SULT2A1: variants seen among roughly 807,000 people sequenced by gnomAD.
SULT2A1 encodes the protein sulfotransferase 2A1.
A neutral mutation model predicts 33.9 loss-of-function variants in SULT2A1; 43 were observed. The observed-to-expected ratio is 1.27, with a 90% CI of 1.00 to 1.64. SULT2A1 has a LOEUF of 1.64. SULT2A1 is among the 40% of genes most tolerant of loss of function. The pLI, the probability that SULT2A1 is intolerant of heterozygous loss-of-function variation, is 0.00. For synonymous variants in SULT2A1, 125 were observed against 113.6 expected (o/e 1.10, Z -0.64); for missense variants, 300 against 335.1 (o/e 0.90, Z 0.82).
intron 4 of SULT2A1, among the ~76,000 whole-genome samples, chr19:47,875,483 C>G (rs946912663): frequency 6.6e-6 from 1 of 151,364 alleles, no homozygotes; most frequent in Non-Finnish European, 1.5e-5. Flanking sequence ...ACAAAAAATA[C>G]AAAAATTAGC....
intron 5 of SULT2A1, among the ~76,000 whole-genome samples, chr19:47,872,032 C>T (rs973472076): frequency 3.3e-5 from 5 of 152,060 alleles, no homozygotes; most frequent in Non-Finnish European, 1.5e-5. Context: ...GTTCTCGTGC[C>T]TCAGCCTCCC....
intron 2 of SULT2A1, among the ~76,000 whole-genome samples, chr19:47,883,043 C>T (rs1213086873): frequency 6.6e-6 from 1 of 152,098 alleles, no homozygotes; most frequent in East Asian, 1.9e-4. Flanking sequence ...CCCCTCTGCC[C>T]CATGGGAGAT....
intron 5 of SULT2A1, 56 bp downstream of exon 5, chr19:47,874,601 T>A: frequency 4.1e-6 from 5 of 1,230,102 alleles, no homozygotes; most frequent in Non-Finnish European, 5.8e-6. Flanking sequence ...GTTGTGACCA[T>A]AGGCATGCAT....
At chr19:47,872,082 TA>T (rs1968498083) in intron 5 of SULT2A1, among the ~76,000 whole-genome samples, 1 of 152,066 alleles carries the variant, frequency 6.6e-6, no homozygotes. Flanking sequence ...CACGCCTGGC[TA>T]ATTTTTGTAT....
chr19:47,886,013 C>T (rs1968652315), intron 1 of SULT2A1, 109 bp downstream of exon 1: 17 of 1,346,484 alleles, frequency 1.3e-5, no homozygotes, highest in Admixed American at 2.1e-5. Flanking sequence ...TCCTCTCTTC[C>T]CCTTAAAGCA....
intron 2 of SULT2A1, 61 bp downstream of exon 2, chr19:47,883,514 CTT>C (rs996855917): frequency 6.6e-7 from 1 of 1,504,092 alleles, no homozygotes; most frequent in Non-Finnish European, 9.2e-7. Context: ...CTCCAGATGA[CTT>C]ATAGGCATAT....
intron 2 of SULT2A1, among the ~76,000 whole-genome samples, chr19:47,883,053 T>G (rs1284663918): frequency 1.3e-5 from 2 of 152,048 alleles, no homozygotes; most frequent in African/African-American, 4.8e-5. Context: ...CCATGGGAGA[T>G]GCATGTGGCT....
At chr19:47,886,028 A>C in intron 1 of SULT2A1, 94 bp downstream of exon 1, 1 of 1,462,010 alleles carries the variant, frequency 6.8e-7, no homozygotes. Flanking sequence ...AAAGCATTGT[A>C]CACTGTCTGA....
chr19:47,874,925 G>A lies in SULT2A1; in HGVS notation c.568-91C>T. The stretch of plus-strand genomic sequence containing the variant: ...GCCTGTAATCCCAGCACTCTGGGAG[G>A]CTGAGGCGGTTGGATCACTTGAGAT... On this transcript the variant is annotated intron_variant, in intron 4 of 5. Coordinates refer to ENST00000222002, the MANE Select transcript of SULT2A1 (RefSeq NM_003167.4). 4 of 1,156,180 alleles carry A rather than the reference G, an allele frequency of 3.5e-6. No homozygotes were observed. The South Asian group carries it at 5.8e-5, about 17-fold the overall frequency. The allele number at this position is 1,156,180 out of a possible 1,614,324, so 71.6% of individuals were successfully genotyped here.
chr19:47,874,541 GAAAAA>G (rs386389152), intron 5 of SULT2A1, 111 bp downstream of exon 5: 251 of 344,900 alleles, frequency 7.3e-4, no homozygotes, highest in East Asian at 1.2e-3. Flanking sequence ...CTTCATCTCG[GAAAAA>G]AAAAAAAAAA....
At chr19:47,871,979 G>A (rs539912057) in intron 5 of SULT2A1, among the ~76,000 whole-genome samples, 57 of 151,404 alleles carry the variant, frequency 3.8e-4, no homozygotes, top group East Asian at 3.3e-3. Flanking sequence ...GTGCAGTAGC[G>A]CGATCTTGGC....
intron 2 of SULT2A1, 90 bp from the exon 3 acceptor site, chr19:47,882,300 T>A: frequency 6.8e-7 from 1 of 1,463,356 alleles, no homozygotes; most frequent in Non-Finnish European, 9.3e-7. Flanking sequence ...AGCCAATTCC[T>A]GGATAATGCC....
chr19:47,876,708 T>A (rs1322149892), intron 4 of SULT2A1, among the ~76,000 whole-genome samples: 1 of 143,152 alleles, frequency 7.0e-6, no homozygotes, highest in Non-Finnish European at 1.5e-5. Flanking sequence ...AGGTGGAGAT[T>A]GCAATGAACT....
intron 4 of SULT2A1, among the ~76,000 whole-genome samples, chr19:47,877,837 AC>A (rs763516999): frequency 2.0e-5 from 3 of 152,214 alleles, no homozygotes; most frequent in Non-Finnish European, 2.9e-5. Flanking sequence ...GGCGTGAGCC[AC>A]TGAGCTTGGC....
chr19:47,874,913 G>GAGTGCTGGGATTA, intron 4 of SULT2A1, 79 bp from the exon 5 acceptor site: 4 of 1,327,164 alleles, frequency 3.0e-6, no homozygotes, highest in Non-Finnish European at 4.2e-6. Flanking sequence ...TGTAATCCCA[G>GAGTGCTGGGATTA]CACTCTGGGA....
At chr19:47,874,560 A>AC in intron 5 of SULT2A1, 97 bp downstream of exon 5, 1 of 882,288 alleles carries the variant, frequency 1.1e-6, no homozygotes, top group Non-Finnish European at 1.7e-6. Flanking sequence ...AAAAAAAAAA[A>AC]GCACTCTTTC....
At chr19:47,875,479 A>G (rs1021130528) in intron 4 of SULT2A1, among the ~76,000 whole-genome samples, 2 of 151,920 alleles carry the variant, frequency 1.3e-5, no homozygotes, top group African/African-American at 4.8e-5. Flanking sequence ...CTCTACAAAA[A>G]ATACAAAAAT....
chr19:47,883,147 C>T (rs575784118), intron 2 of SULT2A1, among the ~76,000 whole-genome samples: 16 of 152,190 alleles, frequency 1.1e-4, no homozygotes, highest in African/African-American at 3.4e-4. Flanking sequence ...AACCTGGATA[C>T]AGGCATTGAT....
chr19:47,881,979 AGC>A, intron 3 of SULT2A1, 103 bp downstream of exon 3: 7 of 1,476,244 alleles, frequency 4.7e-6, no homozygotes, highest in Non-Finnish European at 6.5e-6. Context: ...GGGGTGGTGG[AGC>A]CTTTCAACCC....
Sources: allele counts gnomAD v4.1 joint callset (sites outside exome capture counted in the v4.1 genomes callset), GRCh38; gene constraint gnomAD v4.1.1; transcripts MANE v1.5; gene names NCBI Gene and HGNC (gene_info 2026-07-23, HGNC 2026-07-21).